Variants in EVI5L observed in about 807,000 individuals in gnomAD.
EVI5L encodes ecotropic viral integration site 5 like.
A neutral mutation model predicts 106.1 loss-of-function variants in EVI5L; 30 were observed. The observed-to-expected ratio is 0.28, with a 90% confidence interval of 0.21 to 0.38. The LOEUF (loss-of-function observed/expected upper bound fraction) is 0.38, where lower values mean the gene tolerates loss of function less well. Among genes scored for constraint, EVI5L ranks in the 10% least tolerant of loss-of-function variants. The pLI is 1.00. For synonymous variants in EVI5L, 489 were observed against 483.3 expected, an observed-to-expected ratio of 1.01 and a Z score of -0.15; for missense variants, 809 against 1,098.0, an observed-to-expected ratio of 0.74 and a Z score of 3.72.
At position 7,858,345 on chromosome 19, in the gene EVI5L, T is replaced by C. The variant is rs1420599274; in HGVS notation, c.1374+14T>C. ...CAGGAGCAGCAGGTAGGGGCGGGTG[T>C]GCGGGGCTGCTGGGCGGGGCCATGA... On this transcript the variant is annotated intron_variant, in intron 13 of 19. Transcript: ENST00000538904. The surrounding 1 kb of genome is among the most constrained non-coding windows in gnomAD (Gnocchi z 5.7). The C allele has an allele frequency of 1.3e-6, 2 of 1,540,040 alleles. No individual in the cohort carries two copies. The highest frequency in any genetic ancestry group is 1.7e-6 in the Non-Finnish European group (2 of 1,145,214).
chr19:7,847,982 C>T (rs74651651), intron 3 of EVI5L, 61 bp downstream of exon 3: 40,356 of 1,482,600 alleles, frequency 0.027, 716 homozygotes, highest in Admixed American at 0.059. Flanking sequence ...TGCGGTCACT[C>T]AGCCACCAGG....
intron 1 of EVI5L, among the ~76,000 whole-genome samples, chr19:7,846,191 G>A (rs1418854277): frequency 7.2e-5 from 11 of 152,230 alleles, no homozygotes. Flanking sequence ...AGCCTCAGGG[G>A]TGTCGAGTTG....
At chr19:7,837,583 A>G (rs1032132793) in intron 1 of EVI5L, among the ~76,000 whole-genome samples, 1 of 152,126 alleles carries the variant, frequency 6.6e-6, no homozygotes, top group African/African-American at 2.4e-5. Context: ...CCATCCCAGG[A>G]TCCCACATGA....
intron 1 of EVI5L, among the ~76,000 whole-genome samples, chr19:7,846,180 C>A (rs997859726): frequency 1.3e-5 from 2 of 152,232 alleles, no homozygotes; most frequent in African/African-American, 4.8e-5. Context: ...GGCCCTGCTC[C>A]AGCCTCAGGG....
In EVI5L at chr19:7,848,568, G is replaced by A. The variant is rs536531704; in HGVS notation, c.328-353G>A. ...AGCCAAGATCACGCCACTGCACTCC[G>A]GCGTGGGCAACAGAGTGAGACTCCA... On this transcript the variant is annotated intron_variant, in intron 3 of 19. Coordinates refer to ENST00000538904, the MANE Select transcript of EVI5L (RefSeq NM_001159944.3). This position sits in a 1 kb window ranked among gnomAD's most constrained non-coding sequence, Gnocchi z 4.8. Among the ~76,000 whole-genome samples, 14 of 151,798 alleles carry A rather than the reference G, an allele frequency of 9.2e-5. No individual in the cohort carries two copies. The highest frequency in any genetic ancestry group is 3.9e-4 in the East Asian group (2 of 5,150).
intron 10 of EVI5L, chr19:7,853,574 G>C (rs1041271436): frequency 1.7e-6 from 1 of 588,920 alleles, no homozygotes; most frequent in Non-Finnish European, 3.0e-6. Context: ...CCGCTGGGCC[G>C]CCCAGCGTCA....
rs895062037 is a variant in EVI5L at position 7,853,519 on chromosome 19, C to G, written c.1146+186C>G. 8.0e-6 allele frequency: 6 copies of G among 750,508 alleles called. No homozygotes were observed. The African/African-American group carries it at 1.1e-4, about 13-fold the overall frequency. 46.5% of individuals were successfully genotyped at this position (750,508 alleles called of 1,614,324 possible). A position where few individuals can be genotyped will look rare whatever the true frequency, so the allele number is the denominator to read the frequency against. On this transcript the variant is annotated intron_variant, in intron 10 of 19. Coordinates refer to ENST00000538904, the MANE Select transcript of EVI5L (RefSeq NM_001159944.3). ...CCTGTTAGGCCAGCTGTGAGCGCCT[C>G]CCCCGCCTGACGCCGCGGTAACCAA...
chr19:7,844,951 G>C (rs1488508244), intron 1 of EVI5L, among the ~76,000 whole-genome samples: 5 of 152,226 alleles, frequency 3.3e-5, no homozygotes, highest in East Asian at 1.9e-4. Context: ...TAGGCCCTCA[G>C]GGGTTGGTTG....
Position 7,848,571 on chromosome 19 carries a change from G to A in EVI5L, c.328-350G>A, listed in dbSNP as rs188756016. The stretch of plus-strand genomic sequence containing the variant: ...CAAGATCACGCCACTGCACTCCGGC[G>A]TGGGCAACAGAGTGAGACTCCATCT... On this transcript the variant is annotated intron_variant, in intron 3 of 19. Coordinates refer to ENST00000538904, the MANE Select transcript of EVI5L (RefSeq NM_001159944.3). This position sits in a 1 kb window ranked among gnomAD's most constrained non-coding sequence, Gnocchi z 4.8. 9.0e-4 allele frequency among the ~76,000 whole-genome samples: 136 copies of A among 151,640 alleles called. No individual in the cohort carries two copies. Among genetic ancestry groups the A allele is most frequent in the African/African-American group, 3.1e-3 (128 of 41,290 alleles).
rs1471067804 is a variant in EVI5L, at chr19:7,863,076, C to T, written c.2043+9C>T. On this transcript the variant is annotated intron_variant, in intron 18 of 19. Coordinates refer to ENST00000538904, the MANE Select transcript of EVI5L (RefSeq NM_001159944.3). This position sits in a 1 kb window ranked among gnomAD's most constrained non-coding sequence, Gnocchi z 7.7. ...CCGAGCTGGAGATCCAGGTGATCGG[C>T]GGGGCCGGGGTCGGGGGGCGGGGGC... 16 of 1,201,286 alleles carry T rather than the reference C, an allele frequency of 1.3e-5. No homozygotes were observed. The highest frequency in any genetic ancestry group is 1.7e-5 in the Non-Finnish European group (15 of 864,908). The allele number at this position is 1,201,286 out of a possible 1,614,324, so 74.4% of individuals were successfully genotyped here.
At position 7,862,135 on chromosome 19, in the gene EVI5L, G is replaced by T; in HGVS notation, c.1658G>T (p.Arg553Leu). Reference sequence around the variant, plus strand: ...TTCACCCCCCAGGCCCATCTGGCCCGCGGCGGCCGCTGGAAGGAGTCCCCA... The same window carrying T: ...TTCACCCCCCAGGCCCATCTGGCCCTCGGCGGCCGCTGGAAGGAGTCCCCA... The part of the protein sequence containing the change: ...LSDTWQAHLA[R>L]GGRWKESPRK... Residue 553 changes from arginine to leucine, a missense_variant, in exon 16 of 20, where the codon CGC becomes CTC. Arg to Leu is a moderately radical substitution (Grantham distance 102, BLOSUM62 -2). This residue lies in a region of EVI5L where 452 missense variants were observed against 509.9 expected (regional missense o/e 0.89). Transcript: ENST00000538904. The T allele has an allele frequency of 6.4e-7, 1 of 1,569,602 alleles. No homozygotes were observed.
intron 1 of EVI5L, among the ~76,000 whole-genome samples, chr19:7,838,341 C>T (rs1978443858): frequency 2.0e-5 from 3 of 152,056 alleles, no homozygotes; most frequent in Admixed American, 2.0e-4. Flanking sequence ...AAACTCCTGA[C>T]CTCAAGTGAT....
Position 7,835,164 on chromosome 19 carries a change from CA to C in EVI5L, c.-48+4791del, listed in dbSNP as rs946968803. ...AAAATAAAATAAAAATAAAAATAAA[CA>C]AAAAAAATTGAGGCAAAATACATCA... is the stretch of plus-strand genomic sequence containing the variant. On this transcript the variant is annotated intron_variant, in intron 1 of 19. Transcript: ENST00000538904. This position sits in a 1 kb window ranked among gnomAD's most constrained non-coding sequence, Gnocchi z 4.1. Among the ~76,000 whole-genome samples, 7 of 150,674 alleles carry C rather than the reference CA, an allele frequency of 4.6e-5. No individual in the cohort carries two copies. Among genetic ancestry groups the C allele is most frequent in the African/African-American group, 1.7e-4 (7 of 41,028 alleles).
intron 1 of EVI5L, among the ~76,000 whole-genome samples, chr19:7,838,195 G>T (rs1398466822): frequency 6.6e-6 from 1 of 151,422 alleles, no homozygotes; most frequent in Non-Finnish European, 1.5e-5. Flanking sequence ...TGCAACTTCC[G>T]CCTCCTGGGT....
At chr19:7,862,092 G>A in intron 15 of EVI5L, 30 bp from the exon 16 acceptor site, 1 of 1,550,304 alleles carries the variant, frequency 6.5e-7, no homozygotes, top group Non-Finnish European at 8.7e-7. Context: ...GGCGGAGGCT[G>A]ACCGCCGGCT....
At position 7,858,537 on chromosome 19, in the gene EVI5L, C is replaced by T; in HGVS notation, c.1374+206C>T. 1.5e-6 allele frequency: 1 copy of T among 673,000 alleles called. No individual in the cohort carries two copies. Among genetic ancestry groups the T allele is most frequent in the Non-Finnish European group, 2.5e-6 (1 of 407,826 alleles). The allele number at this position is 673,000 out of a possible 1,614,324, so 41.7% of individuals were successfully genotyped here. ...GAGACATCCTGATATCCATTTCTTG[C>T]CACCTCATAGTGTGTCTGCAGTATC... On this transcript the variant is annotated intron_variant, in intron 13 of 19. Coordinates refer to ENST00000538904, the MANE Select transcript of EVI5L (RefSeq NM_001159944.3). The surrounding 1 kb of genome is among the most constrained non-coding windows in gnomAD (Gnocchi z 5.7).
Position 7,860,697 on chromosome 19 carries a change from G to T in EVI5L, c.1503+8G>T. Reference sequence around the variant, plus strand: ...GTTCTCGACATGGAAAAGGTGCAATGGGGAGGCAGACGGGCAGGTGTCGGG... The same window carrying T: ...GTTCTCGACATGGAAAAGGTGCAATTGGGAGGCAGACGGGCAGGTGTCGGG... On this transcript the variant is annotated splice_region_variant and intron_variant, in intron 14 of 19. Coordinates refer to ENST00000538904, the MANE Select transcript of EVI5L (RefSeq NM_001159944.3). The T allele has an allele frequency of 6.3e-7, 1 of 1,575,762 alleles. No homozygotes were observed. Among genetic ancestry groups the T allele is most frequent in the South Asian group, 1.2e-5 (1 of 86,118 alleles).
At chr19:7,843,381 T>G (rs1978769194) in intron 1 of EVI5L, among the ~76,000 whole-genome samples, 2 of 44,368 alleles carry the variant, frequency 4.5e-5, no homozygotes, top group African/African-American at 6.7e-5. Context: ...CATGGGTGTG[T>G]CGAGTGTGTG....
At chr19:7,847,684 T>G in intron 2 of EVI5L, 48 bp from the exon 3 acceptor site, 2 of 1,586,200 alleles carry the variant, frequency 1.3e-6, no homozygotes, top group Non-Finnish European at 1.7e-6. Flanking sequence ...CAAGGATCCC[T>G]GTCCCCAGGG....
Sources: allele counts gnomAD v4.1 joint callset (sites outside exome capture counted in the v4.1 genomes callset), GRCh38; gene constraint gnomAD v4.1.1; regional missense constraint gnomAD v4.1.1; non-coding constraint Gnocchi (gnomAD v3.1); transcripts MANE v1.5; gene names NCBI Gene and HGNC (gene_info 2026-07-23, HGNC 2026-07-21).